Variants in ZBED3 observed in about 807,000 individuals in gnomAD.
ZBED3 encodes zinc finger BED domain-containing protein 3.
For synonymous variants in ZBED3, 175 were observed against 180.0 expected (o/e 0.97, Z 0.22); for missense variants, 388 against 362.9 (o/e 1.07, Z -0.56).
In ZBED3 at chr5:77,074,008, CAT is replaced by C. The variant is rs946359292; in HGVS notation, c.*3164_*3165del. 12 of 151,538 alleles carry C rather than the reference CAT, an allele frequency of 7.9e-5. No homozygotes were observed. In the East Asian group the frequency reaches 1.2e-3, roughly 15 times the overall value. The allele number at this position is 151,538 out of a possible 1,614,324, so 9.4% of individuals were successfully genotyped here. A position where few individuals can be genotyped will look rare whatever the true frequency, so the allele number is the denominator to read the frequency against. ...AATCAAGGAAAGCATGGTTTTAGAA[CAT>C]GTGTGGGATGTTTTTTGTATCGAGA... On this transcript the variant is annotated 3_prime_UTR_variant, in exon 3 of 3. Coordinates refer to ENST00000255198, the MANE Select transcript of ZBED3 (RefSeq NM_032367.4).
In ZBED3 at chr5:77,075,993, GTATATATGTATATATATATGTA is replaced by G. The variant is rs1742984740; in HGVS notation, c.*1159_*1180del. The G allele has an allele frequency of 4.9e-5, 1 of 20,588 alleles. No homozygotes were observed. The highest frequency in any genetic ancestry group is 1.9e-4 in the African/African-American group (1 of 5,350). The allele number at this position is 20,588 out of a possible 1,614,324, so 1.3% of individuals were successfully genotyped here. On this transcript the variant is annotated 3_prime_UTR_variant, in exon 3 of 3. Coordinates refer to ENST00000255198, the MANE Select transcript of ZBED3 (RefSeq NM_032367.4). ...TATATGTATATATGTATATATATAT[GTATATATGTATATATATATGTA>G]TATATGTATATATATATGTATATAT...
At chr5:77,083,588 T>C (rs543194484) in intron 1 of ZBED3, among the ~76,000 whole-genome samples, 8 of 152,368 alleles carry the variant, frequency 5.3e-5, no homozygotes, top group Admixed American at 2.6e-4. Context: ...TCCGGTGTTA[T>C]ATAAATTTAA....
At chr5:77,084,661 G>A (rs938609218) in intron 1 of ZBED3, among the ~76,000 whole-genome samples, 1 of 152,186 alleles carries the variant, frequency 6.6e-6, no homozygotes, top group African/African-American at 2.4e-5. Context: ...AATCTCCACT[G>A]GGGAAGGGGT....
At chr5:77,084,179 G>A (rs1187464866) in intron 1 of ZBED3, among the ~76,000 whole-genome samples, 1 of 152,114 alleles carries the variant, frequency 6.6e-6, no homozygotes, top group African/African-American at 2.4e-5. Context: ...GGAAGCGTAC[G>A]GTCTGGTTGG....
At chr5:77,082,554 C>T (rs1561299357) in intron 1 of ZBED3, among the ~76,000 whole-genome samples, 1 of 152,258 alleles carries the variant, frequency 6.6e-6, no homozygotes, top group East Asian at 1.9e-4. Flanking sequence ...TCTGGAGGAA[C>T]TGTTCAGGGA....
At chr5:77,085,577 C>T (rs139224353) in intron 1 of ZBED3, among the ~76,000 whole-genome samples, 1 of 152,222 alleles carries the variant, frequency 6.6e-6, no homozygotes, top group East Asian at 1.9e-4. Context: ...TTCACACAGA[C>T]ATATGTGGAA....
Position 77,073,762 on chromosome 5 carries a change from G to T in ZBED3, c.*3412C>A, listed in dbSNP as rs1742924669. 6.6e-6 allele frequency: 1 copy of T among 152,192 alleles called. No individual in the cohort carries two copies. Among genetic ancestry groups the T allele is most frequent in the Non-Finnish European group, 1.5e-5 (1 of 68,036 alleles). 9.4% of individuals were successfully genotyped at this position (152,192 alleles called of 1,614,324 possible). On this transcript the variant is annotated 3_prime_UTR_variant, in exon 3 of 3. Coordinates refer to ENST00000255198, the MANE Select transcript of ZBED3 (RefSeq NM_032367.4). ...TTAGTAATTACAGGAAAACTAACTT[G>T]TAAAAATCTTAAAGACATTGAATGG...
intron 1 of ZBED3, among the ~76,000 whole-genome samples, chr5:77,084,186 T>C (rs1413455803): frequency 6.6e-6 from 1 of 152,110 alleles, no homozygotes; most frequent in Non-Finnish European, 1.5e-5. Context: ...TACGGTCTGG[T>C]TGGGAAAGAG....
chr5:77,077,076 G>A lies in ZBED3; in HGVS notation c.*98C>T, dbSNP rs1194557425. 3.3e-6 allele frequency: 3 copies of A among 907,322 alleles called. No individual in the cohort carries two copies. Among genetic ancestry groups the A allele is most frequent in the South Asian group, 4.0e-5 (1 of 25,270 alleles). 56.2% of individuals were successfully genotyped at this position (907,322 alleles called of 1,614,324 possible). On this transcript the variant is annotated 3_prime_UTR_variant, in exon 3 of 3. Transcript: ENST00000255198. The stretch of plus-strand genomic sequence containing the variant: ...GAGCTTCCGAGTGAGTAGCGGCTGC[G>A]GGCCTGGCTTCGGTTACGGCTTCGG...
chr5:77,076,748 G>C lies in ZBED3; in HGVS notation c.*426C>G, dbSNP rs1048393606. ...CATTTCCACGCACCCTCCACCTTGG[G>C]CTGCTGGGTGTATAGGCACATGGTG... On this transcript the variant is annotated 3_prime_UTR_variant, in exon 3 of 3. Transcript: ENST00000255198. The C allele has an allele frequency of 1.3e-5, 2 of 155,488 alleles. No individual in the cohort carries two copies. Among genetic ancestry groups the C allele is most frequent in the African/African-American group, 4.8e-5 (2 of 41,250 alleles). 9.6% of individuals were successfully genotyped at this position (155,488 alleles called of 1,614,324 possible).
In ZBED3 at chr5:77,076,645, C is replaced by A. The variant is rs1325424525; in HGVS notation, c.*529G>T. 6.6e-6 allele frequency: 1 copy of A among 151,900 alleles called. No homozygotes were observed. Among genetic ancestry groups the A allele is most frequent in the Non-Finnish European group, 1.5e-5 (1 of 68,068 alleles). 9.4% of individuals were successfully genotyped at this position (151,900 alleles called of 1,614,324 possible). ...GGAAACTAGAGGGGACGTCCCTCAC[C>A]CACCCTTCAGAACTTGGTGTTGGGC... On this transcript the variant is annotated 3_prime_UTR_variant, in exon 3 of 3. Coordinates refer to ENST00000255198, the MANE Select transcript of ZBED3 (RefSeq NM_032367.4).
In ZBED3 at chr5:77,077,252, G is replaced by C; in HGVS notation, c.627C>G (p.Ala209=). The C allele has an allele frequency of 6.8e-7, 1 of 1,464,614 alleles. No homozygotes were observed. Among genetic ancestry groups the C allele is most frequent in the South Asian group, 1.3e-5 (1 of 76,376 alleles). The allele number at this position is 1,464,614 out of a possible 1,614,324, so 90.7% of individuals were successfully genotyped here. A position where few individuals can be genotyped will look rare whatever the true frequency, so the allele number is the denominator to read the frequency against. ...CCTTGAGCGGCGGCGGCGCAGCGGG[G>C]GCCCAGCCCAGGGCGCCCTCACGGC... The part of the protein sequence containing the change: ...VSRREGALGW[A]PAAPPPLKDD... Residue 209 remains alanine (A), a synonymous_variant, in exon 3 of 3, where the codon GCC becomes GCG. Coordinates refer to ENST00000255198, the MANE Select transcript of ZBED3 (RefSeq NM_032367.4).
intron 1 of ZBED3, among the ~76,000 whole-genome samples, chr5:77,083,139 G>GAAA (rs1453284872): frequency 6.6e-6 from 1 of 151,948 alleles, no homozygotes; most frequent in Non-Finnish European, 1.5e-5. Flanking sequence ...CTCCATCTCA[G>GAAA]AAAAACAAAA....
At chr5:77,083,165 G>A (rs1743165908) in intron 1 of ZBED3, among the ~76,000 whole-genome samples, 1 of 151,990 alleles carries the variant, frequency 6.6e-6, no homozygotes, top group Non-Finnish European at 1.5e-5. Context: ...AAACAAAAAA[G>A]CAAAACAACC....
At chr5:77,082,796 T>A (rs1435181719) in intron 1 of ZBED3, among the ~76,000 whole-genome samples, 1 of 152,138 alleles carries the variant, frequency 6.6e-6, no homozygotes, top group Non-Finnish European at 1.5e-5. Context: ...TTAGGGAAAG[T>A]GTGTATATCA....
At position 77,076,007 on chromosome 5, in the gene ZBED3, A is replaced by ATG. The variant is rs1350194635; in HGVS notation, c.*1166_*1167insCA. The ATG allele has an allele frequency of 2.7e-5, 1 of 37,038 alleles. No homozygotes were observed. Among genetic ancestry groups the ATG allele is most frequent in the Non-Finnish European group, 6.7e-5 (1 of 14,982 alleles). 2.3% of individuals were successfully genotyped at this position (37,038 alleles called of 1,614,324 possible). Reference sequence around the variant, plus strand: ...TATATATATATGTATATATGTATATATATATGTATATATGTATATATATAT... The same window carrying ATG: ...TATATATATATGTATATATGTATATATGTATATGTATATATGTATATATATAT... On this transcript the variant is annotated 3_prime_UTR_variant, in exon 3 of 3. Transcript: ENST00000255198.
At chr5:77,081,604 C>T (rs1286868603) in intron 1 of ZBED3, among the ~76,000 whole-genome samples, 1 of 152,116 alleles carries the variant, frequency 6.6e-6, no homozygotes, top group Non-Finnish European at 1.5e-5. Flanking sequence ...CCTGCCTCGG[C>T]CTCCCAAAGT....
Position 77,076,854 on chromosome 5 carries a change from AC to A in ZBED3, c.*319del, listed in dbSNP as rs1204142362. ...GTTCCCAGCCCTAAGTGGCCATGGC[AC>A]TGGGTGGTCTGGGTTCACGGGGCTC... On this transcript the variant is annotated 3_prime_UTR_variant, in exon 3 of 3. Coordinates refer to ENST00000255198, the MANE Select transcript of ZBED3 (RefSeq NM_032367.4). 1 of 224,706 alleles carries A rather than the reference AC, an allele frequency of 4.5e-6. No individual in the cohort carries two copies. The highest frequency in any genetic ancestry group is 2.3e-5 in the African/African-American group (1 of 43,832). The allele number at this position is 224,706 out of a possible 1,614,324, so 13.9% of individuals were successfully genotyped here. A position where few individuals can be genotyped will look rare whatever the true frequency, so the allele number is the denominator to read the frequency against.
At chr5:77,082,131 G>A (rs545635238) in intron 1 of ZBED3, among the ~76,000 whole-genome samples, 7 of 152,238 alleles carry the variant, frequency 4.6e-5, no homozygotes, top group African/African-American at 1.2e-4. Flanking sequence ...GCTGGGCATG[G>A]TGGCGGGTGC....
Sources: gnomAD v4.1 joint callset for allele counts (sites outside exome capture counted in the v4.1 genomes callset) on GRCh38, gnomAD v4.1.1 for gene constraint, MANE v1.5 for transcripts, NCBI Gene and HGNC (gene_info 2026-07-23, HGNC 2026-07-21) for gene names.